LIN7A: variants seen among roughly 807,000 people sequenced by gnomAD.
The protein encoded by LIN7A is lin-7 cell polarity scaffold A.
Under a neutral mutation model 29.8 loss-of-function variants are expected in LIN7A, and 25 were observed. That is an observed-to-expected ratio of 0.84 (90% CI 0.61 to 1.17). LIN7A has a LOEUF of 1.17. LIN7A is among the 50% of genes most tolerant of loss of function. The pLI is 0.00. For missense variants in LIN7A, 239 were observed against 287.0 expected (o/e 0.83, Z 1.21); for synonymous variants, 118 against 107.5 (o/e 1.10, Z -0.60).
At chr12:80,865,318 A>T (rs934092571) in intron 2 of LIN7A, among the ~76,000 whole-genome samples, 5 of 152,018 alleles carry the variant, frequency 3.3e-5, no homozygotes, top group South Asian at 2.1e-4. Flanking sequence ...CTGTCATTTT[A>T]AAAAAAAGGT....
At chr12:80,904,627 A>G (rs545914373) in intron 1 of LIN7A, among the ~76,000 whole-genome samples, 1 of 152,280 alleles carries the variant, frequency 6.6e-6, no homozygotes, top group South Asian at 2.1e-4. Context: ...ATTTTTCAAG[A>G]CTGAATGATA....
chr12:80,805,442 T>C (rs1466865528), intron 5 of LIN7A, among the ~76,000 whole-genome samples: 2 of 152,086 alleles, frequency 1.3e-5, no homozygotes, highest in Non-Finnish European at 2.9e-5. Flanking sequence ...TTGGTGAGGC[T>C]ACTGTCAAAT....
chr12:80,810,017 G>T (rs1190051748), intron 5 of LIN7A, among the ~76,000 whole-genome samples: 1 of 152,170 alleles, frequency 6.6e-6, no homozygotes, highest in Non-Finnish European at 1.5e-5. Flanking sequence ...TTTGTGGTGA[G>T]AATATTTACA....
intron 4 of LIN7A, among the ~76,000 whole-genome samples, chr12:80,816,087 T>C (rs1310030396): frequency 6.6e-6 from 1 of 152,148 alleles, no homozygotes; most frequent in Non-Finnish European, 1.5e-5. Context: ...AGCTGATAAA[T>C]CTTTTAACAA....
Position 80,901,773 on chromosome 12 carries a change from A to G in LIN7A, c.83-12404T>C, listed in dbSNP as rs567984240. The stretch of plus-strand genomic sequence containing the variant: ...ATCTAAACTGACACTTTGATATATA[A>G]TTCTGCTGTAAAGCTCCTTAATAAT... On this transcript the variant is annotated intron_variant, in intron 1 of 5. Coordinates refer to ENST00000552864, the MANE Select transcript of LIN7A (RefSeq NM_004664.4). Among the ~76,000 whole-genome samples, 36 of 152,260 alleles carry G rather than the reference A, an allele frequency of 2.4e-4. 3 individuals carry two copies. The highest frequency in any genetic ancestry group is 8.4e-4 in the African/African-American group (35 of 41,582).
chr12:80,815,195 A>C (rs1871475177), intron 4 of LIN7A, among the ~76,000 whole-genome samples: 2 of 152,062 alleles, frequency 1.3e-5, no homozygotes, highest in African/African-American at 4.8e-5. Context: ...TTAACCTATT[A>C]TTTATCTCTG....
rs189908743 is a variant in LIN7A, at chr12:80,875,570, T to C, written c.201+13681A>G. Among the ~76,000 whole-genome samples the C allele has an allele frequency of 8.6e-4, 131 of 152,342 alleles. 1 individual carries two copies. Among genetic ancestry groups the C allele is most frequent in the Non-Finnish European group, 1.4e-3 (97 of 68,034 alleles). On this transcript the variant is annotated intron_variant, in intron 2 of 5. Transcript: ENST00000552864. ...GTGGAAGCCATTTTAATGTAAGATG[T>C]TATTCTGAACTAGAAATGTTAGCAT...
chr12:80,892,098 A>T (rs1038825447), intron 1 of LIN7A, among the ~76,000 whole-genome samples: 1 of 152,042 alleles, frequency 6.6e-6, no homozygotes, highest in Non-Finnish European at 1.5e-5. Flanking sequence ...TCACTCATCT[A>T]TTATAATAAT....
chr12:80,877,139 G>T, intron 2 of LIN7A, among the ~76,000 whole-genome samples: 1 of 77,196 alleles, frequency 1.3e-5, no homozygotes. Flanking sequence ...AAAAAAAAAA[G>T]TTAAATATTC....
At chr12:80,936,766 CT>C (rs1878248198) in intron 1 of LIN7A, 1 of 152,394 alleles carries the variant, frequency 6.6e-6, no homozygotes, top group African/African-American at 2.4e-5. Context: ...GAAGCGAACA[CT>C]TTCCCCGTTC....
chr12:80,896,354 A>G (rs963249839), intron 1 of LIN7A, among the ~76,000 whole-genome samples: 7 of 152,236 alleles, frequency 4.6e-5, no homozygotes, highest in African/African-American at 1.7e-4. Flanking sequence ...CTACTGACTT[A>G]TTACTAGTTT....
intron 2 of LIN7A, among the ~76,000 whole-genome samples, chr12:80,864,563 C>T (rs1874045018): frequency 6.6e-6 from 1 of 152,072 alleles, no homozygotes; most frequent in Non-Finnish European, 1.5e-5. Context: ...CAGAAAAATT[C>T]CCTGGCATGC....
chr12:80,833,977 C>T (rs1189839165), intron 4 of LIN7A, among the ~76,000 whole-genome samples: 1 of 152,176 alleles, frequency 6.6e-6, no homozygotes, highest in Non-Finnish European at 1.5e-5. Flanking sequence ...TATCTAATCT[C>T]CTTCTGGACC....
intron 2 of LIN7A, among the ~76,000 whole-genome samples, chr12:80,876,080 C>CACAG (rs1294382296): frequency 6.8e-6 from 1 of 146,990 alleles, no homozygotes; most frequent in African/African-American, 2.5e-5. Flanking sequence ...CACACACACA[C>CACAG]AGAGAGAGAG....
At chr12:80,912,712 T>TC (rs1876820511) in intron 1 of LIN7A, among the ~76,000 whole-genome samples, 1 of 35,574 alleles carries the variant, frequency 2.8e-5, no homozygotes, top group African/African-American at 1.1e-4. Flanking sequence ...GAGACTTGTC[T>TC]CAAAAAAAAA....
At chr12:80,850,277 C>A (rs1873265572) in intron 2 of LIN7A, among the ~76,000 whole-genome samples, 1 of 152,210 alleles carries the variant, frequency 6.6e-6, no homozygotes, top group Middle Eastern at 3.4e-3. Context: ...CCTCAATTTC[C>A]TCATTTTAAA....
chr12:80,930,627 C>T (rs553696465), intron 1 of LIN7A, among the ~76,000 whole-genome samples: 26 of 152,228 alleles, frequency 1.7e-4, no homozygotes, highest in African/African-American at 3.9e-4. Flanking sequence ...TTAGCTCGTG[C>T]GATTCAATTC....
At chr12:80,840,344 A>C (rs1872752249) in intron 4 of LIN7A, among the ~76,000 whole-genome samples, 1 of 152,202 alleles carries the variant, frequency 6.6e-6, no homozygotes, top group Admixed American at 6.5e-5. Flanking sequence ...CAGTTATTAC[A>C]TTTGGTAAGC....
At chr12:80,814,811 T>G (rs950239542) in intron 4 of LIN7A, among the ~76,000 whole-genome samples, 2 of 152,182 alleles carry the variant, frequency 1.3e-5, no homozygotes, top group Non-Finnish European at 2.9e-5. Flanking sequence ...TATCTTCAGT[T>G]TAGACAAGGA....
Sources: gnomAD v4.1 joint callset for allele counts (sites outside exome capture counted in the v4.1 genomes callset) on GRCh38, gnomAD v4.1.1 for gene constraint, MANE v1.5 for transcripts, NCBI Gene and HGNC (gene_info 2026-07-23, HGNC 2026-07-21) for gene names.